FAM221A: variants seen among roughly 807,000 people sequenced by gnomAD.
FAM221A encodes the protein family with sequence similarity 221 member A, also known as protein FAM221A.
Under a neutral mutation model 37.6 loss-of-function variants are expected in FAM221A, and 43 were observed. The observed-to-expected ratio is 1.15, with a 90% CI of 0.90 to 1.48. The LOEUF is 1.48. Among genes scored for constraint, FAM221A ranks in the 40% most tolerant of loss-of-function variants. The pLI is 0.00. For synonymous variants in FAM221A, 135 were observed against 132.9 expected (o/e 1.02, Z -0.11); for missense variants, 361 against 361.5 (o/e 1.00, Z 0.01).
chr7:23,692,590 C>T (rs1784816713), intron 4 of FAM221A: 2 of 838,890 alleles, frequency 2.4e-6, no homozygotes, highest in Non-Finnish European at 2.9e-6. Flanking sequence ...GATCTGCCTG[C>T]CTCAGCCTCC....
intron 4 of FAM221A, chr7:23,694,727 T>C (rs890117148): frequency 2.6e-5 from 4 of 152,234 alleles, no homozygotes; most frequent in Non-Finnish European, 5.9e-5. Flanking sequence ...AACCTGAAGA[T>C]TTCTGTGGGC....
intron 4 of FAM221A, chr7:23,694,894 T>G (rs554770370): frequency 6.6e-6 from 1 of 152,240 alleles, no homozygotes; most frequent in African/African-American, 2.4e-5. Flanking sequence ...CTTTCAGAAC[T>G]TTGGCATCAT....
intron 3 of FAM221A, among the ~76,000 whole-genome samples, chr7:23,690,199 A>ATAT (rs774313037): frequency 0.026 from 1,268 of 48,664 alleles, 39 homozygotes; most frequent in Admixed American, 0.064. Context: ...ATATATATAT[A>ATAT]TTTTTTTTTT....
chr7:23,680,387 G>A (rs533047564), intron 1 of FAM221A, 104 bp downstream of exon 1: 3 of 857,750 alleles, frequency 3.5e-6, no homozygotes, highest in South Asian at 3.5e-5. Flanking sequence ...GGGGGTTCCC[G>A]GAATCTGTGC....
chr7:23,701,389 A>G (rs551706980), intron 6 of FAM221A, among the ~76,000 whole-genome samples: 36 of 151,754 alleles, frequency 2.4e-4, no homozygotes, highest in East Asian at 7.8e-4. Context: ...ACAGGCGCCC[A>G]CCACCATGCC....
At chr7:23,694,674 G>A (rs897678494) in intron 4 of FAM221A, 1 of 152,186 alleles carries the variant, frequency 6.6e-6, no homozygotes, top group Non-Finnish European at 1.5e-5. Context: ...AGTAAAATAA[G>A]TTGCTCAGTG....
intron 4 of FAM221A, among the ~76,000 whole-genome samples, chr7:23,695,200 C>T (rs938520555): frequency 6.6e-6 from 1 of 152,076 alleles, no homozygotes; most frequent in African/African-American, 2.4e-5. Flanking sequence ...TGGTGTCAAA[C>T]TCCGAAGGTC....
chr7:23,685,843 TC>T (rs1334237594), intron 2 of FAM221A, among the ~76,000 whole-genome samples: 1 of 152,224 alleles, frequency 6.6e-6, no homozygotes, highest in Non-Finnish European at 1.5e-5. Context: ...TAAATAAAGT[TC>T]AGAATACCTA....
At chr7:23,692,715 A>C (rs1024818406) in intron 4 of FAM221A, 1 of 983,736 alleles carries the variant, frequency 1.0e-6, no homozygotes, top group African/African-American at 1.7e-5. Context: ...AATTAAGTGC[A>C]AAACACCCTT....
At chr7:23,692,313 C>A (rs1344379491) in intron 4 of FAM221A, 55 of 494,824 alleles carry the variant, frequency 1.1e-4, no homozygotes, top group Non-Finnish European at 1.3e-4. Context: ...TTAAAAATTA[C>A]ATAAATACAA....
chr7:23,683,907 G>GTA (rs1279421462), intron 1 of FAM221A, among the ~76,000 whole-genome samples: 1 of 152,170 alleles, frequency 6.6e-6, no homozygotes, highest in Admixed American at 6.5e-5. Context: ...ATGTTTATAA[G>GTA]TATATATATG....
At chr7:23,699,093 TG>T (rs1437387464) in intron 5 of FAM221A, among the ~76,000 whole-genome samples, 5 of 151,586 alleles carry the variant, frequency 3.3e-5, no homozygotes, top group Admixed American at 3.3e-4. Flanking sequence ...TCAGTGCTAA[TG>T]AATGTTACAC....
chr7:23,684,657 G>A lies in FAM221A; in HGVS notation c.224G>A (p.Cys75Tyr). 1 of 1,607,688 alleles carries A rather than the reference G, an allele frequency of 6.2e-7. No homozygotes were observed. Among genetic ancestry groups the A allele is most frequent in the Non-Finnish European group, 8.5e-7 (1 of 1,178,386 alleles). ...DCKLVGPETL[C>Y]FCTHRYKQHK... Reference sequence around the variant, plus strand: ...AAACTTGTGGGCCCAGAGACACTGTGTTTTTGTACACATAGGTAAGATACT... The same window carrying A: ...AAACTTGTGGGCCCAGAGACACTGTATTTTTGTACACATAGGTAAGATACT... Residue 75 changes from cysteine to tyrosine, a missense_variant, in exon 2 of 7, where the codon TGT (cysteine) becomes TAT (tyrosine). By Grantham distance (194) the Cys-to-Tyr change is radical (BLOSUM62 -2). Transcript: ENST00000344962.
At chr7:23,686,745 A>C (rs112469282) in intron 2 of FAM221A, 14,862 of 150,712 alleles carry the variant, frequency 0.099, 1,038 homozygotes, top group African/African-American at 0.2. Context: ...TCACTACCCA[A>C]AGCCAGCTGC....
chr7:23,702,161 A>G lies in FAM221A; in HGVS notation c.894A>G (p.Ser298=). ...CATTGCCATCAGCTACAAAACCTTCATGAAGACTATTGGAGAAATTAAAAC... is the reference window on the plus strand; with the variant it reads ...CATTGCCATCAGCTACAAAACCTTCGTGAAGACTATTGGAGAAATTAAAAC... ...KAPLPSATKP[S] The change falls in exon 7 of 7, where the codon TCA becomes TCG. Residue 298 remains serine (S), a synonymous_variant. Coordinates refer to ENST00000344962, the MANE Select transcript of FAM221A (RefSeq NM_199136.5). The G allele has an allele frequency of 6.3e-7, 1 of 1,589,454 alleles. No individual in the cohort carries two copies. The highest frequency in any genetic ancestry group is 8.6e-7 in the Non-Finnish European group (1 of 1,165,734).
intron 1 of FAM221A, among the ~76,000 whole-genome samples, chr7:23,682,056 C>T (rs1784072494): frequency 6.6e-6 from 1 of 151,688 alleles, no homozygotes; most frequent in Non-Finnish European, 1.5e-5. Context: ...GAATCTCAGG[C>T]CCACTGCAGA....
chr7:23,692,754 C>G, intron 4 of FAM221A: 1 of 980,002 alleles, frequency 1.0e-6, no homozygotes. Flanking sequence ...AATTCTTTCC[C>G]CGAGGGTAAT....
At chr7:23,692,044 CA>C (rs1483267940) in intron 4 of FAM221A, 1 of 234,588 alleles carries the variant, frequency 4.3e-6, no homozygotes, top group African/African-American at 2.3e-5. Flanking sequence ...TGTATATGAA[CA>C]TACGTGTATA....
intron 2 of FAM221A, chr7:23,688,892 TC>T (rs1452108446): frequency 1.3e-5 from 2 of 154,844 alleles, no homozygotes; most frequent in African/African-American, 4.8e-5. Flanking sequence ...CGCCTCAGCC[TC>T]CCAAAGTGCT....
Sources: gnomAD v4.1 joint callset for allele counts (sites outside exome capture counted in the v4.1 genomes callset) on GRCh38, gnomAD v4.1.1 for gene constraint, MANE v1.5 for transcripts, NCBI Gene and HGNC (gene_info 2026-07-23, HGNC 2026-07-21) for gene names.